Variants in CFAP47 observed in about 807,000 individuals in gnomAD.
The protein encoded by CFAP47 is cilia- and flagella-associated protein 47.
CFAP47 carries 29 observed loss-of-function variants against 148.1 expected under a neutral mutation model. The observed-to-expected ratio is 0.20, with a 90% CI of 0.15 to 0.27. The LOEUF (loss-of-function observed/expected upper bound fraction) is 0.27, where lower values mean the gene tolerates loss of function less well. Ranked by LOEUF, CFAP47 falls within the 10% of genes least tolerant of loss-of-function variation. CFAP47 has a pLI of 1.00. For missense variants in CFAP47, 1,872 were observed against 1,697.5 expected (o/e 1.10, Z -1.81); for synonymous variants, 664 against 577.3 (o/e 1.15, Z -2.15).
rs782601800 is a variant in CFAP47, at chrX:36,228,681, C to T, written c.6871C>T (p.Arg2291Cys). 8.2e-4 allele frequency: 427 copies of T among 523,311 alleles called. 3 individuals are homozygous for T. The South Asian group carries it at 9.8e-3, about 12-fold the overall frequency. 43.1% of individuals were successfully genotyped at this position (523,311 alleles called of 1,213,427 possible). The change falls in exon 46 of 64, where the codon CGC (arginine) becomes TGC (cysteine). Residue 2291 changes from arginine to cysteine, a missense_variant. Coordinates refer to ENST00000378653, the MANE Select transcript of CFAP47 (RefSeq NM_001304548.2). ...GCAATTTCTTCCTCTCCAATCTGGACGCTACCCTTGTAAAATTTTATTGAA... is the reference window on the plus strand; with the variant it reads ...GCAATTTCTTCCTCTCCAATCTGGATGCTACCCTTGTAAAATTTTATTGAA... ...PLQFLPLQSG[R>C]YPCKILLKSR...
intron 26 of CFAP47, among the ~76,000 whole-genome samples, chrX:36,052,577 T>A (rs1024639165): frequency 8.9e-6 from 1 of 112,206 alleles, no homozygotes; most frequent in Non-Finnish European, 1.9e-5. Context: ...AATATATTTT[T>A]AAATAGGCAG....
At chrX:36,070,496 CTTTTTTTT>C (rs34621358) in intron 27 of CFAP47, among the ~76,000 whole-genome samples, 2 of 91,215 alleles carry the variant, frequency 2.2e-5, no homozygotes, top group African/African-American at 4.0e-5. Flanking sequence ...TTTTCTTTTC[CTTTTTTTT>C]TTTTTTTTTT....
Position 36,336,244 on chromosome X carries a change from GACACACACACACACACACAC to G in CFAP47, c.8444-11848_8444-11829del, listed in dbSNP as rs781925226. 3.0e-3 allele frequency among the ~76,000 whole-genome samples: 197 copies of G among 65,710 alleles called. 1 individual carries two copies. The highest frequency in any genetic ancestry group is 9.2e-3 in the African/African-American group (164 of 17,747). 57.1% of individuals were successfully genotyped at this position (65,710 alleles called of 115,157 possible). A position where few individuals can be genotyped will look rare whatever the true frequency, so the allele number is the denominator to read the frequency against. On this transcript the variant is annotated intron_variant, in intron 57 of 63. Transcript: ENST00000378653. ...TCTCTCTCTCTGTCACAGACACACA[GACACACACACACACACACAC>G]ACACACACACACACACACACACACA...
intron 46 of CFAP47, 131 bp from the exon 47 acceptor site, chrX:36,235,803 C>G: frequency 2.9e-6 from 1 of 349,531 alleles, no homozygotes; most frequent in Non-Finnish European, 5.1e-6. Flanking sequence ...TATGACTTTC[C>G]ACTGGTGATT....
chrX:36,189,563 A>G (rs1261827850), intron 41 of CFAP47, among the ~76,000 whole-genome samples: 1 of 112,043 alleles, frequency 8.9e-6, no homozygotes. Flanking sequence ...CTGGCCCACT[A>G]CATCATCATA....
chrX:36,058,120 T>A (rs1937568634), intron 26 of CFAP47, among the ~76,000 whole-genome samples: 1 of 112,154 alleles, frequency 8.9e-6, no homozygotes, highest in African/African-American at 3.2e-5. Context: ...TAGCATGATT[T>A]ATTTTCTGCT....
chrX:36,153,842 G>T (rs1279860045), intron 37 of CFAP47, among the ~76,000 whole-genome samples: 1 of 111,778 alleles, frequency 8.9e-6, no homozygotes, highest in Non-Finnish European at 1.9e-5. Context: ...GTGGACAGTA[G>T]AGCCTTGAGG....
intron 23 of CFAP47, among the ~76,000 whole-genome samples, chrX:36,032,086 A>G (rs1274989940): frequency 1.8e-5 from 2 of 111,598 alleles, no homozygotes; most frequent in Non-Finnish European, 3.8e-5. Context: ...CAAGAAAACT[A>G]CTTTGAATAG....
chrX:35,975,015 T>C, intron 13 of CFAP47, 132 bp from the exon 14 acceptor site: 1 of 390,825 alleles, frequency 2.6e-6, no homozygotes, highest in Non-Finnish European at 4.3e-6. Context: ...ATTCCTGCTA[T>C]TATTGTAAAT....
At chrX:36,262,194 C>A (rs1160706107) in intron 49 of CFAP47, among the ~76,000 whole-genome samples, 1 of 112,308 alleles carries the variant, frequency 8.9e-6, no homozygotes, top group Non-Finnish European at 1.9e-5. Context: ...TCCATTCCCT[C>A]AAGCATCTAT....
At chrX:36,295,568 A>G (rs782265054) in intron 51 of CFAP47, among the ~76,000 whole-genome samples, 5 of 112,334 alleles carry the variant, frequency 4.5e-5, no homozygotes, top group Non-Finnish European at 7.5e-5. Flanking sequence ...TGTTTCAAGA[A>G]TAAACATCAA....
Position 35,971,925 on chromosome X carries a change from C to T in CFAP47, c.2214C>T (p.Ser738=). 1 of 1,199,033 alleles carries T rather than the reference C, an allele frequency of 8.3e-7. No individual in the cohort carries two copies. Among genetic ancestry groups the T allele is most frequent in the South Asian group, 1.8e-5 (1 of 55,441 alleles). The part of the protein sequence containing the change: ...PSTPQEKHDC[S]LMLTPKQIHQ... Reference sequence around the variant, plus strand: ...CTCCACAAGAAAAACATGATTGCAGCTTAATGTTGACACCAAAGCAAATTC... The same window carrying T: ...CTCCACAAGAAAAACATGATTGCAGTTTAATGTTGACACCAAAGCAAATTC... The change falls in exon 13 of 64, where the codon AGC becomes AGT. Residue 738 remains serine, a synonymous_variant. Transcript: ENST00000378653.
At chrX:36,363,903 G>T (rs1556019702) in intron 61 of CFAP47, among the ~76,000 whole-genome samples, 1 of 111,474 alleles carries the variant, frequency 9.0e-6, no homozygotes, top group African/African-American at 3.3e-5. Context: ...TGAGAACAAT[G>T]GTTAAGAGTG....
At chrX:36,021,536 C>T (rs1239694714) in intron 22 of CFAP47, among the ~76,000 whole-genome samples, 2 of 111,105 alleles carry the variant, frequency 1.8e-5, no homozygotes, top group Non-Finnish European at 3.8e-5. Flanking sequence ...TTCTGGGATA[C>T]ATGTGCAGAA....
At chrX:36,225,626 G>C (rs782131979) in intron 45 of CFAP47, among the ~76,000 whole-genome samples, 9 of 111,671 alleles carry the variant, frequency 8.1e-5, no homozygotes, top group Non-Finnish European at 1.1e-4. Context: ...ACTGTAAACA[G>C]GATCAAGGAA....
intron 57 of CFAP47, among the ~76,000 whole-genome samples, chrX:36,323,719 A>G (rs1941495306): frequency 9.0e-6 from 1 of 110,824 alleles, no homozygotes; most frequent in South Asian, 3.8e-4. Flanking sequence ...TAATTTCTGT[A>G]ATTATTTCTC....
At chrX:36,370,542 T>G (rs899245587) in intron 62 of CFAP47, among the ~76,000 whole-genome samples, 3 of 110,304 alleles carry the variant, frequency 2.7e-5, no homozygotes, top group African/African-American at 9.9e-5. Context: ...TGGGTTTATT[T>G]TCTACAGCAA....
intron 42 of CFAP47, among the ~76,000 whole-genome samples, chrX:36,197,500 A>C (rs1394107974): frequency 8.9e-6 from 1 of 112,269 alleles, no homozygotes; most frequent in Non-Finnish European, 1.9e-5. Flanking sequence ...TCGTTGTTTT[A>C]TCTAAAGATC....
chrX:36,192,956 G>A (rs1939881150), intron 42 of CFAP47, among the ~76,000 whole-genome samples: 1 of 111,953 alleles, frequency 8.9e-6, no homozygotes, highest in Non-Finnish European at 1.9e-5. Context: ...AGAAGACCCT[G>A]CAAGGCTTTC....
Sources: gnomAD v4.1 joint callset for allele counts (sites outside exome capture counted in the v4.1 genomes callset) on GRCh38, gnomAD v4.1.1 for gene constraint, MANE v1.5 for transcripts, NCBI Gene and HGNC (gene_info 2026-07-23, HGNC 2026-07-21) for gene names.